Variants in SOS2 observed in about 807,000 individuals in gnomAD.
The protein encoded by SOS2 is son of sevenless homolog 2.
SOS2 carries 65 observed loss-of-function variants against 148.2 expected under a neutral mutation model. That is an observed-to-expected ratio of 0.44 (90% CI 0.36 to 0.54). SOS2 has a LOEUF of 0.54. Ranked by LOEUF, SOS2 falls within the 20% of genes least tolerant of loss-of-function variation. The probability of loss-of-function intolerance (pLI) is 0.00; values close to 1 mark genes in which losing one functional copy is unlikely to be tolerated. For missense variants in SOS2, 1,341 were observed against 1,590.2 expected (o/e 0.84, Z 2.67); for synonymous variants, 539 against 537.1 (o/e 1.00, Z -0.05).
chr14:50,231,173 G>C (rs1371999192), intron 1 of SOS2, 24 bp downstream of exon 1: 1 of 1,361,324 alleles, frequency 7.3e-7, no homozygotes, highest in Non-Finnish European at 9.7e-7. Flanking sequence ...GCCACCCGCC[G>C]GCCGCCCCGC....
chr14:50,178,873 A>G (rs1348006973), intron 7 of SOS2, among the ~76,000 whole-genome samples: 2 of 151,892 alleles, frequency 1.3e-5, no homozygotes, highest in Non-Finnish European at 2.9e-5. Context: ...AGCTGGGATT[A>G]CAGGTGCATG....
At chr14:50,172,433 T>TTTTTTTTTTTTTTG (rs1885396292) in intron 8 of SOS2, among the ~76,000 whole-genome samples, 1 of 139,552 alleles carries the variant, frequency 7.2e-6, no homozygotes, top group African/African-American at 2.6e-5. Flanking sequence ...TTTTTTTTTT[T>TTTTTTTTTTTTTTG]CTGAGATGGA....
At chr14:50,139,885 C>A in intron 17 of SOS2, 57 bp downstream of exon 17, 1 of 794,792 alleles carries the variant, frequency 1.3e-6, no homozygotes, top group South Asian at 1.6e-5. Context: ...CTGAAGACTG[C>A]TCTCTTTTGG....
At chr14:50,155,525 A>T (rs757594326) in intron 12 of SOS2, among the ~76,000 whole-genome samples, 26 of 152,152 alleles carry the variant, frequency 1.7e-4, no homozygotes, top group Non-Finnish European at 2.9e-4. Context: ...CTTCTCCAAG[A>T]TGCCTTCCCT....
At chr14:50,201,260 C>T (rs1303871157) in intron 2 of SOS2, among the ~76,000 whole-genome samples, 176 bp from the exon 3 acceptor site, 3 of 152,026 alleles carry the variant, frequency 2.0e-5, no homozygotes, top group South Asian at 2.1e-4. Flanking sequence ...AGGCTGGGCG[C>T]GGTGGCTCAC....
At chr14:50,160,128 C>A (rs1280862075) in intron 9 of SOS2, 42 bp from the exon 10 acceptor site, 3 of 1,467,744 alleles carry the variant, frequency 2.0e-6, no homozygotes, top group Non-Finnish European at 2.8e-6. Flanking sequence ...CAGCTAGCAA[C>A]CCAAATGGTT....
At chr14:50,131,411 G>C (rs1045062007) in intron 19 of SOS2, among the ~76,000 whole-genome samples, 3 of 152,132 alleles carry the variant, frequency 2.0e-5, no homozygotes, top group African/African-American at 7.2e-5. Context: ...TGTAAAATGA[G>C]AATAAGATCT....
At chr14:50,124,028 G>C (rs923979539) in intron 21 of SOS2, among the ~76,000 whole-genome samples, 3 of 152,070 alleles carry the variant, frequency 2.0e-5, no homozygotes, top group Non-Finnish European at 4.4e-5. Context: ...GGCAGTGAGA[G>C]GAACAACTTT....
intron 7 of SOS2, 52 bp downstream of exon 7, chr14:50,180,520 T>G: frequency 1.3e-6 from 1 of 751,574 alleles, no homozygotes; most frequent in Non-Finnish European, 2.1e-6. Context: ...AGTGAGATAT[T>G]TATTTGCTTT....
chr14:50,150,260 CTT>C (rs1421879437), intron 13 of SOS2, 30 bp from the exon 14 acceptor site: 1 of 1,380,404 alleles, frequency 7.2e-7, no homozygotes, highest in South Asian at 1.2e-5. Flanking sequence ...AGAAAAATGT[CTT>C]TTACTTGACA....
At position 50,118,733 on chromosome 14, in the gene SOS2, G is replaced by A; in HGVS notation, c.3610C>T (p.Pro1204Ser). 1 of 1,613,564 alleles carries A rather than the reference G, an allele frequency of 6.2e-7. No homozygotes were observed. Among genetic ancestry groups the A allele is most frequent in the Non-Finnish European group, 8.5e-7 (1 of 1,179,956 alleles). The change falls in exon 23 of 23, where the codon CCT (proline) becomes TCT (serine). Residue 1204 changes from proline (P) to serine (S), a missense_variant. Around this residue, in one of 4 missense-constraint regions of SOS2, gnomAD observed 354 missense variants for 347.7 expected, o/e 1.02. Transcript: ENST00000216373. ...GAFDGPLHSP[P>S]PPPPRDPLPD... is the part of the protein sequence containing the mutation. ...AGAGGATCTCTTGGTGGTGGCGGAG[G>A]TGGACTATGCAGAGGCCCATCAAAT...
At chr14:50,122,827 A>G (rs1441072698) in intron 21 of SOS2, among the ~76,000 whole-genome samples, 3 of 152,238 alleles carry the variant, frequency 2.0e-5, no homozygotes, top group Non-Finnish European at 4.4e-5. Flanking sequence ...AGAATTTACT[A>G]AACAATTTCT....
At position 50,182,451 on chromosome 14, in the gene SOS2, T is replaced by G. The variant is rs1318750223; in HGVS notation, c.858+12A>C. 4.3e-6 allele frequency: 7 copies of G among 1,613,076 alleles called. No individual in the cohort carries two copies. The highest frequency in any genetic ancestry group is 3.4e-6 in the Non-Finnish European group (4 of 1,179,260). On this transcript the variant is annotated intron_variant, in intron 6 of 22. Coordinates refer to ENST00000216373, the MANE Select transcript of SOS2 (RefSeq NM_006939.4). Reference sequence around the variant, plus strand: ...GGCTTTAATGAGAATATAAGTAGTTTTGTAAACTTACTTCTGCCAAATCTT... The same window carrying G: ...GGCTTTAATGAGAATATAAGTAGTTGTGTAAACTTACTTCTGCCAAATCTT...
chr14:50,143,901 C>T (rs1478538137), intron 16 of SOS2, among the ~76,000 whole-genome samples: 1 of 151,108 alleles, frequency 6.6e-6, no homozygotes, highest in Admixed American at 6.6e-5. Context: ...TCAAGTGATC[C>T]TCCTGTCTCT....
intron 4 of SOS2, among the ~76,000 whole-genome samples, chr14:50,197,223 A>C (rs144949440): frequency 2.2e-4 from 34 of 152,320 alleles, no homozygotes; most frequent in African/African-American, 7.9e-4. Context: ...AGTCCATATT[A>C]AATTTGAGTG....
In SOS2 at chr14:50,157,977, C is replaced by T. The variant is rs565495464; in HGVS notation, c.1934+588G>A. Among the ~76,000 whole-genome samples, 176 of 151,920 alleles carry T rather than the reference C, an allele frequency of 1.2e-3. 1 individual carries two copies. Among genetic ancestry groups the T allele is most frequent in the Non-Finnish European group, 1.3e-3 (91 of 67,910 alleles). The stretch of plus-strand genomic sequence containing the variant: ...GATATCTGATTATTAAAAATGATCC[C>T]GTATTTTCTAGAGATACATAGAAAA... On this transcript the variant is annotated intron_variant, in intron 11 of 22. Coordinates refer to ENST00000216373, the MANE Select transcript of SOS2 (RefSeq NM_006939.4).
rs775982904 is a variant in SOS2 at position 50,157,170 on chromosome 14, T to C, written c.1935-49A>G. 11 of 1,579,484 alleles carry C rather than the reference T, an allele frequency of 7.0e-6. No individual in the cohort carries two copies. The Admixed American group carries it at 1.4e-4, about 21-fold the overall frequency. On this transcript the variant is annotated intron_variant, in intron 11 of 22. Transcript: ENST00000216373. ...AAAATCCGTTCATACATAATGAAAATACAAGGAGGAAAACAGCAAGCAACC... is the reference window on the plus strand; with the variant it reads ...AAAATCCGTTCATACATAATGAAAACACAAGGAGGAAAACAGCAAGCAACC...
At chr14:50,174,330 A>G in intron 8 of SOS2, 124 bp downstream of exon 8, 1 of 330,412 alleles carries the variant, frequency 3.0e-6, no homozygotes, top group Non-Finnish European at 5.0e-6. Flanking sequence ...TTACATATAA[A>G]AATTATTAAA....
At chr14:50,217,673 T>G (rs1182139602) in intron 1 of SOS2, among the ~76,000 whole-genome samples, 2 of 152,126 alleles carry the variant, frequency 1.3e-5, no homozygotes, top group Non-Finnish European at 2.9e-5. Flanking sequence ...TTTAAAACTT[T>G]TGGCCGGGTG....
Sources: allele counts gnomAD v4.1 joint callset (sites outside exome capture counted in the v4.1 genomes callset), GRCh38; gene constraint gnomAD v4.1.1; regional missense constraint gnomAD v4.1.1; transcripts MANE v1.5; gene names NCBI Gene and HGNC (gene_info 2026-07-23, HGNC 2026-07-21).